ABHD12: variants seen among roughly 807,000 people sequenced by gnomAD.
ABHD12 encodes lysophosphatidylserine lipase ABHD12.
ABHD12 carries 43 observed loss-of-function variants against 58.3 expected under a neutral mutation model. The ratio of observed to expected loss-of-function variants is 0.74; its 90% CI spans 0.58 to 0.95. The LOEUF (loss-of-function observed/expected upper bound fraction) is 0.95, where lower values mean the gene tolerates loss of function less well. Ranked by LOEUF, ABHD12 falls within the 40% of genes least tolerant of loss-of-function variation. The pLI is 0.00. For missense variants in ABHD12, 539 were observed against 537.2 expected, an observed-to-expected ratio of 1.00 and a Z score of -0.03; for synonymous variants, 219 against 211.2, an observed-to-expected ratio of 1.04 and a Z score of -0.32.
At chr20:25,346,812 A>AT (rs2146052021) in intron 1 of ABHD12, among the ~76,000 whole-genome samples, 1 of 152,068 alleles carries the variant, frequency 6.6e-6, no homozygotes, top group East Asian at 1.9e-4. Flanking sequence ...AGCCCAGCTA[A>AT]TTTTTTGTGT....
chr20:25,298,212 T>C (rs1359006040), downstream of ABHD12, among the ~76,000 whole-genome samples: 2 of 152,176 alleles, frequency 1.3e-5, no homozygotes, highest in East Asian at 3.9e-4. Context: ...GGCAGAAAAG[T>C]TTGCATCTCC....
At chr20:25,324,624 A>T (rs2089141819) in intron 2 of ABHD12, among the ~76,000 whole-genome samples, 1 of 152,078 alleles carries the variant, frequency 6.6e-6, no homozygotes, top group Admixed American at 6.6e-5. Context: ...CGTGACTCCC[A>T]TGTCCATGTG....
At chr20:25,338,174 G>A (rs1490994056) in intron 2 of ABHD12, among the ~76,000 whole-genome samples, 1 of 152,038 alleles carries the variant, frequency 6.6e-6, no homozygotes, top group Non-Finnish European at 1.5e-5. Context: ...GAGGGAGTCC[G>A]GCACCTCTCA....
At chr20:25,295,141 T>C (rs2088520532) in intron 12 of ABHD12, 5 of 1,138,402 alleles carry the variant, frequency 4.4e-6, no homozygotes, top group Non-Finnish European at 4.0e-6. Flanking sequence ...CTGGCATTTT[T>C]GTTCAGCACA....
chr20:25,334,935 A>T (rs2089338278), intron 2 of ABHD12, among the ~76,000 whole-genome samples: 1 of 151,970 alleles, frequency 6.6e-6, no homozygotes, highest in South Asian at 2.1e-4. Context: ...CAATGGCAAC[A>T]AAAGCCAAAA....
chr20:25,342,267 CA>C (rs2089464973), intron 1 of ABHD12, among the ~76,000 whole-genome samples: 1 of 152,148 alleles, frequency 6.6e-6, no homozygotes, highest in Non-Finnish European at 1.5e-5. Flanking sequence ...TTGATACATG[CA>C]ACCACGTAGA....
intron 8 of ABHD12, 120 bp downstream of exon 8, chr20:25,308,337 G>T: frequency 1.5e-6 from 2 of 1,317,888 alleles, no homozygotes; most frequent in Non-Finnish European, 2.1e-6. Flanking sequence ...TCAGCCCCGG[G>T]CCCCCCAGAA....
At chr20:25,369,932 A>T (rs1208287263) in intron 1 of ABHD12, among the ~76,000 whole-genome samples, 2 of 135,886 alleles carry the variant, frequency 1.5e-5, no homozygotes, top group Non-Finnish European at 3.2e-5. Context: ...TGTTATAAAA[A>T]AAAAAAAAAA....
intron 1 of ABHD12, among the ~76,000 whole-genome samples, chr20:25,359,432 A>AAAC (rs2089714401): frequency 7.4e-6 from 1 of 135,402 alleles, no homozygotes; most frequent in South Asian, 2.6e-4. Flanking sequence ...TCAAAAAAAA[A>AAAC]AAAAAAAAAA....
chr20:25,297,814 A>T (rs545321271), downstream of ABHD12: 1 of 141,606 alleles, frequency 7.1e-6, no homozygotes, highest in African/African-American at 2.5e-5. Context: ...CCAGAGCACT[A>T]CAGCCTTTTA....
At chr20:25,311,166 T>C (rs1218502470) in intron 6 of ABHD12, among the ~76,000 whole-genome samples, 1 of 152,194 alleles carries the variant, frequency 6.6e-6, no homozygotes, top group African/African-American at 2.4e-5. Flanking sequence ...GTGAACGCGT[T>C]GGGTCACATG....
At chr20:25,338,869 C>G (rs2089415116) in intron 2 of ABHD12, 7 of 1,079,548 alleles carry the variant, frequency 6.5e-6, no homozygotes, top group Non-Finnish European at 7.9e-6. Context: ...CTCATGTTGT[C>G]AACATTTTTA....
chr20:25,357,405 C>T (rs928062044), intron 1 of ABHD12, among the ~76,000 whole-genome samples: 1 of 152,174 alleles, frequency 6.6e-6, no homozygotes, highest in Admixed American at 6.5e-5. Flanking sequence ...AGTAGCGTAG[C>T]TCTTGTTGTC....
chr20:25,378,932 G>C (rs528557520), intron 1 of ABHD12, among the ~76,000 whole-genome samples: 1 of 152,140 alleles, frequency 6.6e-6, no homozygotes. Flanking sequence ...CTTATCACAA[G>C]TGAATGAGGC....
At chr20:25,378,648 CTTTG>C (rs2089987398) in intron 1 of ABHD12, among the ~76,000 whole-genome samples, 1 of 151,618 alleles carries the variant, frequency 6.6e-6, no homozygotes, top group Admixed American at 6.6e-5. Context: ...ATACCCCAAG[CTTTG>C]TTTGAAGACT....
chr20:25,387,230 A>G (rs941132877), intron 1 of ABHD12, among the ~76,000 whole-genome samples: 5 of 152,212 alleles, frequency 3.3e-5, no homozygotes, highest in Non-Finnish European at 5.9e-5. Flanking sequence ...TGTCATCCCT[A>G]TTATTTAACT....
chr20:25,333,815 A>T (rs548912397), intron 2 of ABHD12, among the ~76,000 whole-genome samples: 41 of 152,128 alleles, frequency 2.7e-4, no homozygotes, highest in African/African-American at 9.2e-4. Flanking sequence ...TCTCAAAATA[A>T]TAAGAGCTAT....
intron 10 of ABHD12, 104 bp downstream of exon 10, chr20:25,306,729 C>T (rs1199002570): frequency 1.2e-5 from 10 of 829,072 alleles, no homozygotes; most frequent in East Asian, 5.4e-5. Flanking sequence ...ACCCTAAATA[C>T]ACTGAATTCC....
intron 8 of ABHD12, 85 bp downstream of exon 8, chr20:25,308,369 TGAG>T (rs1367125774): frequency 6.0e-6 from 9 of 1,506,440 alleles, no homozygotes; most frequent in Middle Eastern, 4.6e-4. Flanking sequence ...TGCTGCTCCA[TGAG>T]GACGCTGAGC....
Sources: allele counts gnomAD v4.1 joint callset (sites outside exome capture counted in the v4.1 genomes callset), GRCh38; gene constraint gnomAD v4.1.1; transcripts MANE v1.5; gene names NCBI Gene and HGNC (gene_info 2026-07-23, HGNC 2026-07-21).